Variants in SNTA1 observed in about 807,000 individuals in gnomAD.
SNTA1 encodes the protein syntrophin alpha 1, also known as alpha-1-syntrophin.
A neutral mutation model predicts 47.1 loss-of-function variants in SNTA1; 31 were observed. That is an observed-to-expected ratio of 0.66 (90% CI 0.49 to 0.89). The LOEUF (loss-of-function observed/expected upper bound fraction) is 0.89, where lower values mean the gene tolerates loss of function less well. Among genes scored for constraint, SNTA1 ranks in the 40% least tolerant of loss-of-function variants. The pLI, the probability that SNTA1 is intolerant of heterozygous loss-of-function variation, is 0.00. For missense variants in SNTA1, 575 were observed against 693.0 expected (o/e 0.83, Z 1.91); for synonymous variants, 300 against 313.6 (o/e 0.96, Z 0.46).
chr20:33,436,515 A>G (rs1467294613), intron 2 of SNTA1, among the ~76,000 whole-genome samples: 1 of 152,134 alleles, frequency 6.6e-6, no homozygotes, highest in Admixed American at 6.6e-5. Flanking sequence ...CTAAGGATCA[A>G]CACTCTAGAG....
intron 1 of SNTA1, among the ~76,000 whole-genome samples, 174 bp downstream of exon 1, chr20:33,443,137 G>A (rs1990619824): frequency 6.7e-6 from 1 of 150,076 alleles, no homozygotes. Flanking sequence ...ACCAACTACT[G>A]AAACCCCCTC....
chr20:33,420,200 A>G (rs1989986717), intron 2 of SNTA1, among the ~76,000 whole-genome samples: 1 of 152,172 alleles, frequency 6.6e-6, no homozygotes, highest in South Asian at 2.1e-4. Context: ...CTGGGATTAC[A>G]GGCATGAACC....
intron 2 of SNTA1, among the ~76,000 whole-genome samples, chr20:33,419,379 T>C (rs1011802358): frequency 6.6e-6 from 1 of 152,198 alleles, no homozygotes; most frequent in Non-Finnish European, 1.5e-5. Context: ...AAGCTATTTC[T>C]GTCGCAGGAG....
chr20:33,437,451 A>G (rs917733176), intron 2 of SNTA1, among the ~76,000 whole-genome samples: 7 of 151,826 alleles, frequency 4.6e-5, no homozygotes, highest in African/African-American at 1.7e-4. Context: ...AACAAGAAAA[A>G]AAAATGCATC....
At chr20:33,418,605 C>G (rs1989937392) in intron 2 of SNTA1, among the ~76,000 whole-genome samples, 1 of 150,196 alleles carries the variant, frequency 6.7e-6, no homozygotes, top group African/African-American at 2.5e-5. Flanking sequence ...CCAGCCTGAC[C>G]AACATGGTGA....
intron 2 of SNTA1, among the ~76,000 whole-genome samples, chr20:33,421,255 G>GTCTA (rs1392750239): frequency 3.9e-5 from 6 of 152,060 alleles, no homozygotes; most frequent in African/African-American, 1.4e-4. Flanking sequence ...CTCCAGCACT[G>GTCTA]TCTAACTGTG....
At chr20:33,427,802 A>G (rs1990202618) in intron 2 of SNTA1, among the ~76,000 whole-genome samples, 1 of 152,158 alleles carries the variant, frequency 6.6e-6, no homozygotes, top group Admixed American at 6.6e-5. Flanking sequence ...TGACTGGCAG[A>G]CACTCACTAC....
chr20:33,419,933 CT>C (rs928424470), intron 2 of SNTA1, among the ~76,000 whole-genome samples: 2 of 151,020 alleles, frequency 1.3e-5, no homozygotes, highest in Non-Finnish European at 3.0e-5. Flanking sequence ...TTTTTTCTTT[CT>C]TTTTTTTGTG....
intron 3 of SNTA1, among the ~76,000 whole-genome samples, chr20:33,413,071 C>T (rs1989784949): frequency 1.3e-5 from 2 of 152,116 alleles, no homozygotes; most frequent in African/African-American, 4.8e-5. Flanking sequence ...ACTGCAATGG[C>T]CCAACCTCTG....
chr20:33,416,480 T>C (rs1435459571), intron 3 of SNTA1, among the ~76,000 whole-genome samples: 1 of 152,162 alleles, frequency 6.6e-6, no homozygotes, highest in Non-Finnish European at 1.5e-5. Flanking sequence ...TGATCTCAAG[T>C]AGGTTACTTC....
intron 1 of SNTA1, among the ~76,000 whole-genome samples, chr20:33,442,493 C>T (rs1990602519): frequency 1.3e-5 from 2 of 152,240 alleles, no homozygotes; most frequent in South Asian, 2.1e-4. Flanking sequence ...TTTTCCTCTC[C>T]GCTAACAGCA....
intron 5 of SNTA1, among the ~76,000 whole-genome samples, chr20:33,410,894 CAGTA>C (rs1433456102): frequency 6.6e-6 from 1 of 152,198 alleles, no homozygotes; most frequent in Non-Finnish European, 1.5e-5. Flanking sequence ...AGTAGGTGCT[CAGTA>C]AACTTTTGTT....
intron 5 of SNTA1, 32 bp downstream of exon 5, chr20:33,412,264 G>T (rs374108135): frequency 3.1e-6 from 5 of 1,600,162 alleles, no homozygotes; most frequent in East Asian, 4.5e-5. Context: ...GGCAAGTTCT[G>T]GGGGAGACAT....
Position 33,419,919 on chromosome 20 carries a change from CT to C in SNTA1, c.497-1997del, listed in dbSNP as rs1162722148. On this transcript the variant is annotated intron_variant, in intron 2 of 7. Coordinates refer to ENST00000217381, the MANE Select transcript of SNTA1 (RefSeq NM_003098.3). Reference sequence around the variant, plus strand: ...CTTGTTCCTAGTGCAACGACAGCCACTTTTTTTTTCTTTCTTTTTTTTGTGA... The same window carrying C: ...CTTGTTCCTAGTGCAACGACAGCCACTTTTTTTTCTTTCTTTTTTTTGTGA... Among the ~76,000 whole-genome samples the C allele has an allele frequency of 2.6e-4, 39 of 151,346 alleles. No homozygotes were observed. In the Admixed American group the frequency reaches 2.6e-3, roughly 10 times the overall value.
intron 3 of SNTA1, among the ~76,000 whole-genome samples, chr20:33,414,090 T>C (rs1989812546): frequency 6.7e-6 from 1 of 150,312 alleles, no homozygotes; most frequent in African/African-American, 2.5e-5. Flanking sequence ...AATACAAAAT[T>C]AGCTGGGTGT....
intron 2 of SNTA1, among the ~76,000 whole-genome samples, chr20:33,418,604 C>G (rs1172158342): frequency 1.3e-5 from 2 of 149,128 alleles, no homozygotes. Context: ...ACCAGCCTGA[C>G]CAACATGGTG....
intron 1 of SNTA1, 45 bp from the exon 2 acceptor site, chr20:33,439,071 A>AGTGTTGGAGTATCTG: frequency 6.5e-7 from 1 of 1,537,294 alleles, no homozygotes; most frequent in Non-Finnish European, 9.0e-7. Flanking sequence ...AGATACTCCA[A>AGTGTTGGAGTATCTG]CACTTGGGAG....
intron 2 of SNTA1, among the ~76,000 whole-genome samples, chr20:33,429,998 A>G (rs2146793932): frequency 6.6e-6 from 1 of 152,208 alleles, no homozygotes; most frequent in East Asian, 1.9e-4. Context: ...ATATTTTTGA[A>G]TGAGTATGTA....
chr20:33,418,524 G>A (rs980412194), intron 2 of SNTA1, among the ~76,000 whole-genome samples: 16 of 152,042 alleles, frequency 1.1e-4, no homozygotes, highest in African/African-American at 3.9e-4. Flanking sequence ...TGGGCATGTT[G>A]GCTCATGCCT....
Sources: gnomAD v4.1 joint callset for allele counts (sites outside exome capture counted in the v4.1 genomes callset) on GRCh38, gnomAD v4.1.1 for gene constraint, MANE v1.5 for transcripts, NCBI Gene and HGNC (gene_info 2026-07-23, HGNC 2026-07-21) for gene names.